ARHGEF33: variants seen among roughly 807,000 people sequenced by gnomAD.
The protein encoded by ARHGEF33 is DH and coiled-coil domain-containing protein ENSP00000381780.
A neutral mutation model predicts 101.9 loss-of-function variants in ARHGEF33; 72 were observed. That is an observed-to-expected ratio of 0.71 (90% confidence interval 0.58 to 0.86). ARHGEF33 has a LOEUF of 0.86. Among genes scored for constraint, ARHGEF33 ranks in the 40% least tolerant of loss-of-function variants. ARHGEF33 has a pLI of 0.00. For synonymous variants in ARHGEF33, 499 were observed against 442.5 expected (o/e 1.13, Z -1.60); for missense variants, 1,169 against 1,111.3 (o/e 1.05, Z -0.74).
intron 2 of ARHGEF33, among the ~76,000 whole-genome samples, chr2:38,897,889 T>A (rs968980093): frequency 1.3e-5 from 2 of 152,166 alleles, no homozygotes; most frequent in Non-Finnish European, 2.9e-5. Flanking sequence ...CCCCAGAGGC[T>A]AGAATGGATG....
chr2:38,907,610 G>C (rs1666420083), intron 2 of ARHGEF33, among the ~76,000 whole-genome samples: 1 of 152,172 alleles, frequency 6.6e-6, no homozygotes, highest in African/African-American at 2.4e-5. Context: ...GAGGACTAAA[G>C]TTTTTCCATG....
At chr2:38,931,376 T>C (rs747808957) in intron 7 of ARHGEF33, 125 bp downstream of exon 7, 5 of 828,680 alleles carry the variant, frequency 6.0e-6, no homozygotes, top group Non-Finnish European at 9.0e-6. Flanking sequence ...TTTTTCTGCT[T>C]GTAACTGGAA....
At chr2:38,961,204 C>T (rs1321651506) in intron 16 of ARHGEF33, among the ~76,000 whole-genome samples, 2 of 152,176 alleles carry the variant, frequency 1.3e-5, no homozygotes, top group Non-Finnish European at 2.9e-5. Flanking sequence ...ACTCGCTGCG[C>T]AATTTGCTGC....
At chr2:38,951,552 A>G (rs561334278) in intron 11 of ARHGEF33, among the ~76,000 whole-genome samples, 67 of 152,120 alleles carry the variant, frequency 4.4e-4, no homozygotes, top group African/African-American at 1.6e-3. Flanking sequence ...GAATTGTTTG[A>G]ACCCAGGACT....
intron 2 of ARHGEF33, among the ~76,000 whole-genome samples, chr2:38,914,044 G>C (rs984300922): frequency 2.6e-5 from 4 of 152,100 alleles, no homozygotes; most frequent in African/African-American, 9.7e-5. Context: ...AGCAAAAGTA[G>C]CTATAAACTA....
At chr2:38,926,512 AG>A (rs1420688716) in intron 4 of ARHGEF33, among the ~76,000 whole-genome samples, 1 of 152,152 alleles carries the variant, frequency 6.6e-6, no homozygotes, top group Non-Finnish European at 1.5e-5. Context: ...CGGGCTGGTC[AG>A]GGCTGTGAAG....
rs757514948 is a variant in ARHGEF33 at position 38,894,797 on chromosome 2, G to A, written c.-158-980G>A. Among the ~76,000 whole-genome samples, 74 of 152,222 alleles carry A rather than the reference G, an allele frequency of 4.9e-4. 1 individual carries two copies. Among genetic ancestry groups the A allele is most frequent in the Middle Eastern group, 3.4e-3 (1 of 294 alleles). ...GTTACACTTAGCTGTGAGGAAGAGG[G>A]GAATACAGTCTTTTAACTGGGTTTC... On this transcript the variant is annotated intron_variant, in intron 1 of 17. Coordinates refer to ENST00000409978, the MANE Select transcript of ARHGEF33 (RefSeq NM_001145451.5).
chr2:38,939,902 T>G (rs1667260354), intron 9 of ARHGEF33, among the ~76,000 whole-genome samples: 1 of 152,244 alleles, frequency 6.6e-6, no homozygotes, highest in Non-Finnish European at 1.5e-5. Context: ...GGTACTCTGG[T>G]ATGCTTTCTT....
chr2:38,930,239 A>T (rs1230475806), intron 6 of ARHGEF33, among the ~76,000 whole-genome samples: 1 of 152,252 alleles, frequency 6.6e-6, no homozygotes, highest in Non-Finnish European at 1.5e-5. Context: ...GGTTGAAAAT[A>T]AATTTATGTT....
In ARHGEF33 at chr2:38,933,793, C is replaced by A. The variant is rs1422562153; in HGVS notation, c.506-1982C>A. On this transcript the variant is annotated intron_variant, in intron 7 of 17. Coordinates refer to ENST00000409978, the MANE Select transcript of ARHGEF33 (RefSeq NM_001145451.5). ...CCTAAGGGAAAGGATTACATAAGGA[C>A]GTAAATGCTAAGGGGTGGGGATAAT... Among the ~76,000 whole-genome samples the A allele has an allele frequency of 1.3e-5, 2 of 152,208 alleles. 1 individual carries two copies. Among genetic ancestry groups the A allele is most frequent in the South Asian group, 4.1e-4 (2 of 4,822 alleles).
intron 15 of ARHGEF33, among the ~76,000 whole-genome samples, chr2:38,958,465 C>A (rs1010248756): frequency 2.0e-5 from 3 of 152,212 alleles, no homozygotes; most frequent in African/African-American, 7.2e-5. Context: ...ACTTCATCTT[C>A]TTTGAAATGC....
Position 38,960,351 on chromosome 2 carries a change from G to A in ARHGEF33, c.2046G>A (p.Ser682=). ...PLQPLPKSAT[S]PAGSSSAYKL... ...AGCCGCTGCCCAAGAGCGCTACGTC[G>A]CCGGCGGGCAGCAGCAGCGCCTACA... The change falls in exon 16 of 18, where the codon TCG becomes TCA. Residue 682 remains serine, a synonymous_variant. Transcript: ENST00000409978. 1.3e-6 allele frequency: 2 copies of A among 1,532,420 alleles called. No homozygotes were observed. Among genetic ancestry groups the A allele is most frequent in the Non-Finnish European group, 1.7e-6 (2 of 1,143,210 alleles). The allele number at this position is 1,532,420 out of a possible 1,614,324, so 94.9% of individuals were successfully genotyped here.
intron 2 of ARHGEF33, among the ~76,000 whole-genome samples, chr2:38,899,860 A>C (rs1359164026): frequency 6.6e-6 from 1 of 152,168 alleles, no homozygotes; most frequent in African/African-American, 2.4e-5. Flanking sequence ...AAATTAAAAA[A>C]AGAATCATTA....
chr2:38,908,166 T>C (rs927931964), intron 2 of ARHGEF33, among the ~76,000 whole-genome samples: 3 of 152,190 alleles, frequency 2.0e-5, no homozygotes, highest in African/African-American at 7.2e-5. Flanking sequence ...GTGCCTGGCC[T>C]CCAGGAGGCT....
chr2:38,898,731 T>C (rs1282855346), intron 2 of ARHGEF33, among the ~76,000 whole-genome samples: 1 of 152,242 alleles, frequency 6.6e-6, no homozygotes, highest in Non-Finnish European at 1.5e-5. Context: ...TCATAAAGTC[T>C]CAAGGATATT....
chr2:38,943,792 T>G (rs76181433), intron 9 of ARHGEF33, 109 bp from the exon 10 acceptor site: 2 of 27,846 alleles, frequency 7.2e-5, no homozygotes, highest in Non-Finnish European at 1.7e-4. Context: ...TTGCAGATGG[T>G]TTTTTTTTTA....
intron 15 of ARHGEF33, among the ~76,000 whole-genome samples, chr2:38,959,069 T>A (rs1040674916): frequency 6.6e-6 from 1 of 152,262 alleles, no homozygotes; most frequent in Non-Finnish European, 1.5e-5. Context: ...GAATAACCAC[T>A]TCTGGTCAGT....
intron 7 of ARHGEF33, among the ~76,000 whole-genome samples, chr2:38,932,811 A>C (rs1442903539): frequency 4.6e-5 from 7 of 152,250 alleles, no homozygotes; most frequent in African/African-American, 1.7e-4. Flanking sequence ...AGATGATTTC[A>C]GTGCCTACAT....
intron 15 of ARHGEF33, 32 bp from the exon 16 acceptor site, chr2:38,959,809 C>T (rs1667866865): frequency 1.3e-6 from 2 of 1,505,380 alleles, no homozygotes; most frequent in Non-Finnish European, 1.8e-6. Flanking sequence ...GCCGTAAGCA[C>T]AGCTCTTTTG....
Sources: allele counts gnomAD v4.1 joint callset (sites outside exome capture counted in the v4.1 genomes callset), GRCh38; gene constraint gnomAD v4.1.1; transcripts MANE v1.5; gene names NCBI Gene and HGNC (gene_info 2026-07-23, HGNC 2026-07-21).